SLC45A3: variants seen among roughly 807,000 people sequenced by gnomAD.
SLC45A3 encodes the protein prostate cancer associated protein 2.
SLC45A3 carries 17 observed loss-of-function variants against 35.3 expected under a neutral mutation model. The ratio of observed to expected loss-of-function variants is 0.48; its 90% CI spans 0.33 to 0.72. SLC45A3 has a LOEUF of 0.72. SLC45A3 is among the 30% of genes least tolerant of loss of function. The pLI, the probability that SLC45A3 is intolerant of heterozygous loss-of-function variation, is 0.02. For synonymous variants in SLC45A3, 288 were observed against 334.3 expected (o/e 0.86, Z 1.51); for missense variants, 597 against 731.7 (o/e 0.82, Z 2.12).
chr1:205,660,700 C>G (rs992110721), intron 4 of SLC45A3, among the ~76,000 whole-genome samples: 7 of 152,136 alleles, frequency 4.6e-5, no homozygotes, highest in African/African-American at 1.7e-4. Context: ...GACAGACATG[C>G]TCCTCCATCT....
In SLC45A3 at chr1:205,657,867, C is replaced by T. The variant is rs34244565; in HGVS notation, c.*1367G>A. On this transcript the variant is annotated 3_prime_UTR_variant, in exon 5 of 5. Coordinates refer to ENST00000367145, the MANE Select transcript of SLC45A3 (RefSeq NM_033102.3). ...ACATGCCAATAAACATATAAGAAAG[C>T]CTTTAATTTTGTCACCATAAACATT... 1 of 195,974 alleles carries T rather than the reference C, an allele frequency of 5.1e-6. No homozygotes were observed. The highest frequency in any genetic ancestry group is 1.1e-5 in the Non-Finnish European group (1 of 94,284). 12.1% of individuals were successfully genotyped at this position (195,974 alleles called of 1,614,324 possible). A position where few individuals can be genotyped will look rare whatever the true frequency, so the allele number is the denominator to read the frequency against.
intron 1 of SLC45A3, among the ~76,000 whole-genome samples, chr1:205,665,738 A>G (rs1296572611): frequency 2.0e-5 from 3 of 152,046 alleles, no homozygotes; most frequent in Non-Finnish European, 4.4e-5. Context: ...GCTCTTTTCA[A>G]TTTTCAGCAG....
Position 205,662,866 on chromosome 1 carries a change from G to A in SLC45A3, c.925C>T (p.Pro309Ser), listed in dbSNP as rs760322049. 1.2e-6 allele frequency: 2 copies of A among 1,606,380 alleles called. No homozygotes were observed. Among genetic ancestry groups the A allele is most frequent in the Non-Finnish European group, 1.7e-6 (2 of 1,175,856 alleles). ...GLYQGVPRAE[P>S]GTEARRHYDE... is the part of the protein sequence containing the mutation. ...TAGTGTCTCCGGGCCTCGGTGCCCG[G>A]CTCAGCTCTGGGCACGCCCTGGTAC... The change falls in exon 3 of 5, where the codon CCG becomes TCG. Residue 309 changes from proline to serine, a missense_variant. Pro to Ser is a moderately conservative substitution (Grantham distance 74). This residue lies in a region of SLC45A3 where 555 missense variants were observed against 664.9 expected (regional missense o/e 0.83). Coordinates refer to ENST00000367145, the MANE Select transcript of SLC45A3 (RefSeq NM_033102.3). The surrounding 1 kb of genome is among the most constrained non-coding windows in gnomAD (Gnocchi z 6.2).
At chr1:205,661,840 C>G (rs369465382) in intron 4 of SLC45A3, 21 bp downstream of exon 4, 2 of 1,599,750 alleles carry the variant, frequency 1.3e-6, no homozygotes, top group African/African-American at 2.7e-5. Flanking sequence ...ACCCTGACTC[C>G]ACCCACTGGC....
chr1:205,664,482 C>T lies in SLC45A3; in HGVS notation c.172+3G>A. The T allele has an allele frequency of 6.2e-7, 1 of 1,613,946 alleles. No homozygotes were observed. Among genetic ancestry groups the T allele is most frequent in the Non-Finnish European group, 8.5e-7 (1 of 1,179,876 alleles). ...AGGAAGGAAGGAGGATGTAGTGACT[C>T]ACCCAGCACCATGGTCATGAACTTC... On this transcript the variant is annotated splice_donor_region_variant and intron_variant, in intron 2 of 4. Transcript: ENST00000367145. This position sits in a 1 kb window ranked among gnomAD's most constrained non-coding sequence, Gnocchi z 5.3.
chr1:205,658,429 G>C lies in SLC45A3; in HGVS notation c.*805C>G. 4.3e-6 allele frequency: 1 copy of C among 233,214 alleles called. No individual in the cohort carries two copies. The highest frequency in any genetic ancestry group is 8.5e-6 in the Non-Finnish European group (1 of 117,988). 14.4% of individuals were successfully genotyped at this position (233,214 alleles called of 1,614,324 possible). A position where few individuals can be genotyped will look rare whatever the true frequency, so the allele number is the denominator to read the frequency against. On this transcript the variant is annotated 3_prime_UTR_variant, in exon 5 of 5. Transcript: ENST00000367145. ...TTTGGGGGGCCAGACCCCAGGAGAA[G>C]AAGATTCTGGCAATGATCAGCCCAA... is the stretch of plus-strand genomic sequence containing the variant.
In SLC45A3 at chr1:205,661,956, C is replaced by A; in HGVS notation, c.1129G>T (p.Val377Leu). 6.2e-7 allele frequency: 1 copy of A among 1,614,208 alleles called. No homozygotes were observed. The highest frequency in any genetic ancestry group is 8.5e-7 in the Non-Finnish European group (1 of 1,180,042). Residue 377 changes from valine (V) to leucine (L), a missense_variant, in exon 4 of 5, where the codon GTG becomes TTG. This residue lies in a region of SLC45A3 where 555 missense variants were observed against 664.9 expected (regional missense o/e 0.83). Transcript: ENST00000367145. ...GTGAGGGCGGCTGAAGCTGTCACCA[C>A]GGCCACACTGTGGGACAGGCATGTG... ...GATCLSHSVAVVTASAALTGF... is the reference protein window; with the variant it reads ...GATCLSHSVALVTASAALTGF...
chr1:205,676,164 T>C (rs1280649146), intron 1 of SLC45A3, among the ~76,000 whole-genome samples: 1 of 152,094 alleles, frequency 6.6e-6, no homozygotes, highest in Non-Finnish European at 1.5e-5. Flanking sequence ...AATTGCCACA[T>C]CCCTAGGGAT....
In SLC45A3 at chr1:205,669,580, T is replaced by G. The variant is rs1671174019; in HGVS notation, c.-230-4694A>C. Among the ~76,000 whole-genome samples, 1 of 151,900 alleles carries G rather than the reference T, an allele frequency of 6.6e-6. No individual in the cohort carries two copies. Among genetic ancestry groups the G allele is most frequent in the Non-Finnish European group, 1.5e-5 (1 of 67,956 alleles). ...CCCCGGGCCTGTGTCATGCAGCAAT[T>G]CTAAGGCTTCTTTATGCAGGCCAGC... On this transcript the variant is annotated intron_variant, in intron 1 of 4. Coordinates refer to ENST00000367145, the MANE Select transcript of SLC45A3 (RefSeq NM_033102.3). This position sits in a 1 kb window ranked among gnomAD's most constrained non-coding sequence, Gnocchi z 4.1.
intron 1 of SLC45A3, among the ~76,000 whole-genome samples, chr1:205,674,273 G>T (rs577144083): frequency 6.8e-6 from 1 of 147,686 alleles, no homozygotes; most frequent in South Asian, 2.1e-4. Context: ...CTTCTATAAC[G>T]AAAGATATGG....
chr1:205,670,771 C>T (rs1295054153), intron 1 of SLC45A3, among the ~76,000 whole-genome samples: 3 of 152,196 alleles, frequency 2.0e-5, no homozygotes, highest in Non-Finnish European at 2.9e-5. Flanking sequence ...CTGCCAGCGC[C>T]GGCCCCTTCC....
chr1:205,662,966 G>T lies in SLC45A3; in HGVS notation c.825C>A (p.Phe275Leu). Residue 275 changes from phenylalanine to leucine, a missense_variant, in exon 3 of 5, where the codon TTC becomes TTA. Around this residue, in one of 3 missense-constraint regions of SLC45A3, gnomAD observed 555 missense variants for 664.9 expected, o/e 0.83. Transcript: ENST00000367145. The surrounding 1 kb of genome is among the most constrained non-coding windows in gnomAD (Gnocchi z 6.2). ...CCATCCAGCTGCACAGCTCAGCCACGAAGAGCCGGCGCAGGGTGCGGGGCA... is the reference window on the plus strand; with the variant it reads ...CCATCCAGCTGCACAGCTCAGCCACTAAGAGCCGGCGCAGGGTGCGGGGCA... ...CRMPRTLRRL[F>L]VAELCSWMAL... The T allele has an allele frequency of 6.2e-7, 1 of 1,613,658 alleles. No homozygotes were observed. The highest frequency in any genetic ancestry group is 1.7e-4 in the Middle Eastern group (1 of 5,982).
Position 205,662,647 on chromosome 1 carries a change from T to C in SLC45A3, c.958+186A>G. 1 of 1,382,948 alleles carries C rather than the reference T, an allele frequency of 7.2e-7. No individual in the cohort carries two copies. The highest frequency in any genetic ancestry group is 2.6e-5 in the East Asian group (1 of 38,032). The allele number at this position is 1,382,948 out of a possible 1,614,324, so 85.7% of individuals were successfully genotyped here. ...AGACTCCTAGAGCAGCCAGAGGCCT[T>C]CCTGAAACCGCAAGCAGAGATGTTC... On this transcript the variant is annotated intron_variant, in intron 3 of 4. Transcript: ENST00000367145. This position sits in a 1 kb window ranked among gnomAD's most constrained non-coding sequence, Gnocchi z 6.2.
rs1671181991 is a variant in SLC45A3 at position 205,669,939 on chromosome 1, C to A, written c.-230-5053G>T. On this transcript the variant is annotated intron_variant, in intron 1 of 4. Transcript: ENST00000367145. This position sits in a 1 kb window ranked among gnomAD's most constrained non-coding sequence, Gnocchi z 4.1. The stretch of plus-strand genomic sequence containing the variant: ...GGCAACCCCAGCACCTTGCTCCAAA[C>A]TGAGCTCTCCAGGGTCCTCTAGGTT... Among the ~76,000 whole-genome samples, 1 of 152,230 alleles carries A rather than the reference C, an allele frequency of 6.6e-6. No individual in the cohort carries two copies. Among genetic ancestry groups the A allele is most frequent in the Admixed American group, 6.5e-5 (1 of 15,294 alleles).
chr1:205,676,135 A>C (rs1205843811), intron 1 of SLC45A3, among the ~76,000 whole-genome samples: 1 of 152,136 alleles, frequency 6.6e-6, no homozygotes, highest in Admixed American at 6.5e-5. Flanking sequence ...TAAGGACAGG[A>C]GCCAGGAGTG....
At chr1:205,678,928 T>G (rs1427305633) in intron 1 of SLC45A3, among the ~76,000 whole-genome samples, 2 of 152,190 alleles carry the variant, frequency 1.3e-5, no homozygotes, top group Non-Finnish European at 2.9e-5. Context: ...CCGTCTAGCC[T>G]GGGCCTCCTG....
chr1:205,659,665 G>A lies in SLC45A3; in HGVS notation c.1231C>T (p.Leu411=), dbSNP rs1670984535. Residue 411 remains leucine (L), a synonymous_variant, in exon 5 of 5, where the codon CTG becomes TTG. Coordinates refer to ENST00000367145, the MANE Select transcript of SLC45A3 (RefSeq NM_033102.3). The surrounding 1 kb of genome is among the most constrained non-coding windows in gnomAD (Gnocchi z 5.8). Reference sequence around the variant, plus strand: ...CCAGTGTCCCCTCGGTATTTGGGCAGGAACACCTAAGGCAGAGGGGTGAAG... The same window carrying A: ...CCAGTGTCCCCTCGGTATTTGGGCAAGAACACCTAAGGCAGAGGGGTGAAG... The part of the protein sequence containing the change: ...SLYHREKQVF[L]PKYRGDTGGA... The A allele has an allele frequency of 6.6e-7, 1 of 1,526,022 alleles. No homozygotes were observed. The highest frequency in any genetic ancestry group is 8.8e-7 in the Non-Finnish European group (1 of 1,139,036). The allele number at this position is 1,526,022 out of a possible 1,614,324, so 94.5% of individuals were successfully genotyped here.
At chr1:205,679,097 G>A (rs963720383) in intron 1 of SLC45A3, among the ~76,000 whole-genome samples, 12 of 152,134 alleles carry the variant, frequency 7.9e-5, no homozygotes, top group South Asian at 4.1e-4. Flanking sequence ...CTGAGCAAAG[G>A]TTCCAGGACC....
chr1:205,662,294 G>A lies in SLC45A3; in HGVS notation c.959-168C>T. On this transcript the variant is annotated intron_variant, in intron 3 of 4. Coordinates refer to ENST00000367145, the MANE Select transcript of SLC45A3 (RefSeq NM_033102.3). This position sits in a 1 kb window ranked among gnomAD's most constrained non-coding sequence, Gnocchi z 6.2. ...TCTACCTCTAGCAATGGGAGTCTAG[G>A]TTCTTCCACTGACCCTCAGAGAATG... 1 of 1,428,670 alleles carries A rather than the reference G, an allele frequency of 7.0e-7. No homozygotes were observed. Among genetic ancestry groups the A allele is most frequent in the Non-Finnish European group, 9.1e-7 (1 of 1,095,272 alleles). 88.5% of individuals were successfully genotyped at this position (1,428,670 alleles called of 1,614,324 possible).
Sources: allele counts gnomAD v4.1 joint callset (sites outside exome capture counted in the v4.1 genomes callset), GRCh38; gene constraint gnomAD v4.1.1; regional missense constraint gnomAD v4.1.1; non-coding constraint Gnocchi (gnomAD v3.1); transcripts MANE v1.5; gene names NCBI Gene and HGNC (gene_info 2026-07-23, HGNC 2026-07-21).